The following STAP1 variants were observed in gnomAD, a reference collection of about 807,000 sequenced individuals.
The protein encoded by STAP1 is signal-transducing adaptor protein 1.
STAP1 carries 30 observed loss-of-function variants against 37.8 expected under a neutral mutation model. That is an observed-to-expected ratio of 0.79 (90% confidence interval 0.59 to 1.08). The LOEUF (loss-of-function observed/expected upper bound fraction) is 1.08, where lower values mean the gene tolerates loss of function less well. STAP1 is among the 50% of genes least tolerant of loss of function. The pLI is 0.00. For synonymous variants in STAP1, 130 were observed against 116.0 expected (o/e 1.12, Z -0.78); for missense variants, 357 against 349.4 (o/e 1.02, Z -0.17).
At chr4:67,588,698 T>G (rs938600517) in intron 6 of STAP1, among the ~76,000 whole-genome samples, 1 of 152,166 alleles carries the variant, frequency 6.6e-6, no homozygotes, top group Non-Finnish European at 1.5e-5. Context: ...CGTGAACCAC[T>G]GCGCCCGGCC....
intron 4 of STAP1, 149 bp downstream of exon 4, chr4:67,577,408 T>C (rs1578026596): frequency 3.7e-6 from 2 of 543,158 alleles, no homozygotes; most frequent in East Asian, 6.3e-5. Context: ...ATGAACATTA[T>C]ATTTTCATCA....
At chr4:67,602,366 G>T (rs1431232566) in intron 8 of STAP1, among the ~76,000 whole-genome samples, 3 of 151,960 alleles carry the variant, frequency 2.0e-5, no homozygotes, top group African/African-American at 7.2e-5. Flanking sequence ...AGTTCATTTT[G>T]TAAGGTCATA....
chr4:67,590,635 C>T (rs1044593636), intron 6 of STAP1, among the ~76,000 whole-genome samples: 2 of 151,654 alleles, frequency 1.3e-5, no homozygotes, highest in African/African-American at 4.8e-5. Context: ...CCTGTTTATT[C>T]TTTCTAATTC....
At chr4:67,569,800 G>C (rs769695068) in intron 1 of STAP1, among the ~76,000 whole-genome samples, 1 of 152,034 alleles carries the variant, frequency 6.6e-6, no homozygotes, top group African/African-American at 2.4e-5. Context: ...CATGATCTTG[G>C]CTCATTGCAA....
At chr4:67,568,231 A>T (rs1026305417) in intron 1 of STAP1, among the ~76,000 whole-genome samples, 6 of 152,238 alleles carry the variant, frequency 3.9e-5, no homozygotes, top group African/African-American at 1.4e-4. Flanking sequence ...TATTGAAGAG[A>T]CACAAAATAC....
intron 6 of STAP1, among the ~76,000 whole-genome samples, chr4:67,587,961 T>G (rs1190102094): frequency 2.8e-5 from 4 of 142,610 alleles, no homozygotes; most frequent in Non-Finnish European, 6.0e-5. Flanking sequence ...TGACCTCAGA[T>G]GATCCGCCCA....
chr4:67,560,151 A>G (rs1444878197), intron 1 of STAP1, among the ~76,000 whole-genome samples: 2 of 152,212 alleles, frequency 1.3e-5, no homozygotes, highest in Non-Finnish European at 2.9e-5. Context: ...ATAACTGTTT[A>G]TGATAGCAGT....
intron 8 of STAP1, among the ~76,000 whole-genome samples, chr4:67,594,009 A>G (rs1728173693): frequency 6.6e-6 from 1 of 152,220 alleles, no homozygotes; most frequent in Non-Finnish European, 1.5e-5. Flanking sequence ...CACAGTTTAC[A>G]CACCCTTGAA....
chr4:67,579,774 C>T (rs913586502), intron 4 of STAP1, among the ~76,000 whole-genome samples: 2 of 152,182 alleles, frequency 1.3e-5, no homozygotes, highest in Non-Finnish European at 2.9e-5. Flanking sequence ...CACCTCCCAC[C>T]AGGCCCCACC....
intron 1 of STAP1, among the ~76,000 whole-genome samples, chr4:67,568,066 T>C (rs1727510891): frequency 6.6e-6 from 1 of 152,238 alleles, no homozygotes. Context: ...ATGGTGATTG[T>C]AGTTCAAAAT....
chr4:67,570,487 G>A (rs1727578680), intron 1 of STAP1, among the ~76,000 whole-genome samples: 1 of 152,100 alleles, frequency 6.6e-6, no homozygotes, highest in Non-Finnish European at 1.5e-5. Flanking sequence ...TATCTGAAAT[G>A]TTATACTAAA....
chr4:67,577,288 C>CT (rs751401553), intron 4 of STAP1, 29 bp downstream of exon 4: 45,440 of 1,130,328 alleles, frequency 0.04, 2 homozygotes, highest in South Asian at 0.056. Flanking sequence ...TTGATTGATT[C>CT]TTTTTTTTTT....
chr4:67,606,249 C>G, intron 8 of STAP1, 47 bp from the exon 9 acceptor site: 1 of 1,523,492 alleles, frequency 6.6e-7, no homozygotes, highest in South Asian at 1.2e-5. Flanking sequence ...CCACCGTTTT[C>G]TACAATATTG....
At chr4:67,572,718 T>C (rs999638151) in intron 2 of STAP1, among the ~76,000 whole-genome samples, 1 of 152,204 alleles carries the variant, frequency 6.6e-6, no homozygotes, top group African/African-American at 2.4e-5. Flanking sequence ...ATAGTACATG[T>C]AAGGACCTAA....
intron 1 of STAP1, among the ~76,000 whole-genome samples, chr4:67,563,005 C>T (rs1201901553): frequency 6.6e-6 from 1 of 152,074 alleles, no homozygotes; most frequent in Non-Finnish European, 1.5e-5. Context: ...GGTAAATGTA[C>T]TTTACTTGCG....
At chr4:67,605,386 T>C (rs146130044) in intron 8 of STAP1, among the ~76,000 whole-genome samples, 1 of 12,636 alleles carries the variant, frequency 7.9e-5, no homozygotes, top group Non-Finnish European at 2.3e-4. Flanking sequence ...AAATAGACAA[T>C]ACAAAAAAAA....
At chr4:67,593,152 T>C (rs935239992) in intron 7 of STAP1, 108 bp from the exon 8 acceptor site, 4 of 721,116 alleles carry the variant, frequency 5.5e-6, no homozygotes, top group Middle Eastern at 3.8e-4. Flanking sequence ...CAGTAAGCCA[T>C]TGAAGTGAAG....
chr4:67,566,382 TG>T (rs1254240623), intron 1 of STAP1, among the ~76,000 whole-genome samples: 1 of 152,242 alleles, frequency 6.6e-6, no homozygotes, highest in Admixed American at 6.5e-5. Flanking sequence ...AAATTATCAA[TG>T]TGCAGTTTAG....
chr4:67,603,724 C>T (rs1425769460), intron 8 of STAP1, among the ~76,000 whole-genome samples: 1 of 152,058 alleles, frequency 6.6e-6, no homozygotes, highest in African/African-American at 2.4e-5. Flanking sequence ...ATGCCCTGTT[C>T]TACTGTGGGT....
Sources: allele counts gnomAD v4.1 joint callset (sites outside exome capture counted in the v4.1 genomes callset), GRCh38; gene constraint gnomAD v4.1.1; transcripts MANE v1.5; gene names NCBI Gene and HGNC (gene_info 2026-07-23, HGNC 2026-07-21).